The following TP73 variants were observed in gnomAD, a reference collection of about 807,000 sequenced individuals.
The protein encoded by TP73 is tumor protein p73.
TP73 carries 25 observed loss-of-function variants against 62.5 expected under a neutral mutation model. The ratio of observed to expected loss-of-function variants is 0.40; its 90% CI spans 0.29 to 0.56. TP73 has a LOEUF of 0.56. Among genes scored for constraint, TP73 ranks in the 20% least tolerant of loss-of-function variants. The pLI is 0.46. For synonymous variants in TP73, 423 were observed against 377.5 expected, an observed-to-expected ratio of 1.12 and a Z score of -1.40; for missense variants, 754 against 913.3, an observed-to-expected ratio of 0.83 and a Z score of 2.25.
At chr1:3,686,032 C>T (rs1369439348) in intron 3 of TP73, among the ~76,000 whole-genome samples, 1 of 152,194 alleles carries the variant, frequency 6.6e-6, no homozygotes, top group Non-Finnish European at 1.5e-5. Flanking sequence ...AGGTGGGGGG[C>T]CTGCTTGTGG....
chr1:3,730,226 C>G, intron 11 of TP73, 78 bp downstream of exon 11: 1 of 1,381,754 alleles, frequency 7.2e-7, no homozygotes, highest in Non-Finnish European at 9.5e-7. Flanking sequence ...GACACACCAC[C>G]CAGCTCGGGA....
intron 3 of TP73, among the ~76,000 whole-genome samples, chr1:3,706,363 G>C: frequency 6.7e-6 from 1 of 149,354 alleles, no homozygotes. Context: ...CACGGTGCCC[G>C]CCGCAGGCCC....
intron 1 of TP73, among the ~76,000 whole-genome samples, chr1:3,680,859 C>T (rs554118123): frequency 3.6e-4 from 55 of 152,228 alleles, no homozygotes; most frequent in Non-Finnish European, 6.3e-4. Flanking sequence ...CACCTGGCCA[C>T]GTGATGGTGA....
In TP73 at chr1:3,712,737, G is replaced by A. The variant is rs574087161; in HGVS notation, c.429+4946G>A. On this transcript the variant is annotated intron_variant, in intron 4 of 13. Coordinates refer to ENST00000378295, the MANE Select transcript of TP73 (RefSeq NM_005427.4). The stretch of plus-strand genomic sequence containing the variant: ...GCGTTGGCAGCAGCATTGCCCCTAT[G>A]TGCAGGGCCTCCCACACTCCCCATT... 2.0e-5 allele frequency among the ~76,000 whole-genome samples: 3 copies of A among 152,302 alleles called. No individual in the cohort carries two copies. The South Asian group carries it at 6.2e-4, about 32-fold the overall frequency.
intron 3 of TP73, among the ~76,000 whole-genome samples, chr1:3,688,139 C>A (rs377618884): frequency 6.6e-6 from 1 of 152,120 alleles, no homozygotes; most frequent in Non-Finnish European, 1.5e-5. Flanking sequence ...AGGGAGGGGG[C>A]TCAGCTCACC....
chr1:3,699,589 C>T lies in TP73; in HGVS notation c.187-7960C>T, dbSNP rs1378156321. ...TGCTGCCTTCTGGAAACGTCTGTCA[C>T]GGGCACACCATGCACCATGCCATGG... On this transcript the variant is annotated intron_variant, in intron 3 of 13. Transcript: ENST00000378295. This position sits in a 1 kb window ranked among gnomAD's most constrained non-coding sequence, Gnocchi z 4.1. Among the ~76,000 whole-genome samples, 2 of 152,210 alleles carry T rather than the reference C, an allele frequency of 1.3e-5. No individual in the cohort carries two copies. The highest frequency in any genetic ancestry group is 2.9e-5 in the Non-Finnish European group (2 of 68,034).
At chr1:3,686,761 G>A (rs1047866821) in intron 3 of TP73, among the ~76,000 whole-genome samples, 7 of 152,184 alleles carry the variant, frequency 4.6e-5, no homozygotes, top group Non-Finnish European at 4.4e-5. Context: ...GTGTGGCTGG[G>A]GGCTCCGAGG....
chr1:3,669,757 TG>T (rs1313268543), intron 1 of TP73, among the ~76,000 whole-genome samples: 1 of 152,218 alleles, frequency 6.6e-6, no homozygotes, highest in African/African-American at 2.4e-5. Context: ...TCCTTCTGCC[TG>T]GGTCCTGCTT....
Position 3,682,356 on chromosome 1 carries a change from C to T in TP73, c.-10C>T, listed in dbSNP as rs777305219. 2.9e-5 allele frequency: 44 copies of T among 1,531,790 alleles called. No homozygotes were observed. In the East Asian group the frequency reaches 6.6e-4, roughly 23 times the overall value. The allele number at this position is 1,531,790 out of a possible 1,614,324, so 94.9% of individuals were successfully genotyped here. A position where few individuals can be genotyped will look rare whatever the true frequency, so the allele number is the denominator to read the frequency against. On this transcript the variant is annotated 5_prime_UTR_variant, in exon 2 of 14. Transcript: ENST00000378295. ...AGAGCGAGCTGCCCTCGGAGGCCGG[C>T]GTGGGGAAGATGGCCCAGTCCACCG... is the stretch of plus-strand genomic sequence containing the variant.
chr1:3,656,545 A>T (rs1644869321), intron 1 of TP73, among the ~76,000 whole-genome samples: 1 of 152,228 alleles, frequency 6.6e-6, no homozygotes, highest in African/African-American at 2.4e-5. Flanking sequence ...TACTATAATT[A>T]TGCCCATTTA....
Position 3,681,853 on chromosome 1 carries a change from C to G in TP73, c.-33-480C>G, listed in dbSNP as rs1885874. Among the ~76,000 whole-genome samples the G allele has an allele frequency of 2.8e-4, 43 of 151,792 alleles. 1 individual carries two copies. The East Asian group carries it at 5.0e-3, about 18-fold the overall frequency. On this transcript the variant is annotated intron_variant, in intron 1 of 13. Transcript: ENST00000378295. ...CAGGCCAAACCCAGACACAGGGGAT[C>G]GTAACAGACCACAGGCCTCACACAC...
At position 3,731,478 on chromosome 1, in the gene TP73, G is replaced by A. The variant is rs752560848; in HGVS notation, c.1500G>A (p.Leu500=). The stretch of plus-strand genomic sequence containing the variant: ...CTCTCTGCAGTTTTTTAACAGGATT[G>A]GGGTGTCCAAACTGCATCGAGTATT... The part of the protein sequence containing the change: ...DPSLVSFLTG[L]GCPNCIEYFT... The change falls in exon 13 of 14, where the codon TTG becomes TTA. Residue 500 remains leucine, a synonymous_variant. Transcript: ENST00000378295. The A allele has an allele frequency of 6.2e-7, 1 of 1,613,692 alleles. No homozygotes were observed. Among genetic ancestry groups the A allele is most frequent in the Non-Finnish European group, 8.5e-7 (1 of 1,179,956 alleles).
chr1:3,670,238 A>T lies in TP73; in HGVS notation c.-33-12095A>T, dbSNP rs1645209282. Among the ~76,000 whole-genome samples, 1 of 151,954 alleles carries T rather than the reference A, an allele frequency of 6.6e-6. No individual in the cohort carries two copies. Among genetic ancestry groups the T allele is most frequent in the African/African-American group, 2.4e-5 (1 of 41,372 alleles). On this transcript the variant is annotated intron_variant, in intron 1 of 13. Transcript: ENST00000378295. This position sits in a 1 kb window ranked among gnomAD's most constrained non-coding sequence, Gnocchi z 5.9. ...CCACATGGGCACAGGTAAGGCAGGG[A>T]TGATGATGGGGCCGGGGGACCACAT...
intron 3 of TP73, among the ~76,000 whole-genome samples, chr1:3,692,928 G>A (rs1645890675): frequency 6.6e-6 from 1 of 152,218 alleles, no homozygotes; most frequent in South Asian, 2.1e-4. Flanking sequence ...CTGCTGCCCG[G>A]TGCCCTGGGC....
intron 1 of TP73, among the ~76,000 whole-genome samples, chr1:3,660,102 A>T (rs1049737569): frequency 1.3e-5 from 2 of 152,236 alleles, no homozygotes; most frequent in African/African-American, 4.8e-5. Context: ...CTTTGCTGGA[A>T]CTTTTAATAA....
intron 1 of TP73, among the ~76,000 whole-genome samples, chr1:3,681,260 G>T (rs1645513311): frequency 1.3e-5 from 2 of 152,234 alleles, no homozygotes; most frequent in Admixed American, 6.5e-5. Context: ...AGCATTGCAG[G>T]GCGGTGGCCA....
In TP73 at chr1:3,701,872, A is replaced by T. The variant is rs1397583535; in HGVS notation, c.187-5677A>T. On this transcript the variant is annotated intron_variant, in intron 3 of 13. Transcript: ENST00000378295. The surrounding 1 kb of genome is among the most constrained non-coding windows in gnomAD (Gnocchi z 4.7). ...AACGAAGACCTAGGGAGGTGGAGCG[A>T]TGGGCCAGGTTACACAGGTGGAGCT... Among the ~76,000 whole-genome samples the T allele has an allele frequency of 6.6e-6, 1 of 152,202 alleles. No homozygotes were observed. Among genetic ancestry groups the T allele is most frequent in the African/African-American group, 2.4e-5 (1 of 41,450 alleles).
At position 3,731,574 on chromosome 1, in the gene TP73, C is replaced by T; in HGVS notation, c.1578+18C>T. On this transcript the variant is annotated intron_variant, in intron 13 of 13. Transcript: ENST00000378295. ...CCATTGAGGTAACGCCCGGGTGGAC[C>T]CCGCTCTGCAGAGGCAGTAGCTGGA... 1.2e-6 allele frequency: 2 copies of T among 1,611,494 alleles called. No individual in the cohort carries two copies.
At position 3,707,642 on chromosome 1, in the gene TP73, C is replaced by A. The variant is rs145204413; in HGVS notation, c.280C>A (p.Pro94Thr). 583 of 1,613,058 alleles carry A rather than the reference C, an allele frequency of 3.6e-4. 3 individuals are homozygous for A. The African/African-American group carries it at 6.8e-3, about 19-fold the overall frequency. The change falls in exon 4 of 14, where the codon CCC becomes ACC. Residue 94 changes from proline to threonine, a missense_variant. Around this residue, in one of 3 missense-constraint regions of TP73, gnomAD observed 235 missense variants for 251.4 expected, o/e 0.93. Coordinates refer to ENST00000378295, the MANE Select transcript of TP73 (RefSeq NM_005427.4). ...PYTPEHAASV[P>T]THSPYAQPSS... ...CACCCCAGAGCACGCCGCCAGCGTGCCCACCCACTCGCCCTACGCACAACC... is the reference window on the plus strand; with the variant it reads ...CACCCCAGAGCACGCCGCCAGCGTGACCACCCACTCGCCCTACGCACAACC...
Sources: gnomAD v4.1 joint callset for allele counts (sites outside exome capture counted in the v4.1 genomes callset) on GRCh38, gnomAD v4.1.1 for gene constraint, gnomAD v4.1.1 regional missense constraint, Gnocchi (gnomAD v3.1) non-coding constraint, MANE v1.5 for transcripts, NCBI Gene and HGNC (gene_info 2026-07-23, HGNC 2026-07-21) for gene names.